MEAK7: variants seen among roughly 807,000 people sequenced by gnomAD.
MEAK7 encodes the protein MTOR-associated protein MEAK7.
Under a neutral mutation model 40.5 loss-of-function variants are expected in MEAK7, and 68 were observed. The ratio of observed to expected loss-of-function variants is 1.68; its 90% CI spans 1.38 to 2.06. The LOEUF (loss-of-function observed/expected upper bound fraction) is 2.06. Ranked by LOEUF, MEAK7 falls within the 30% of genes most tolerant of loss-of-function variation. MEAK7 has a pLI of 0.00. For missense variants in MEAK7, 918 were observed against 580.5 expected (o/e 1.58, Z -5.98); for synonymous variants, 338 against 231.9 (o/e 1.46, Z -4.16).
chr16:84,493,537 T>C (rs1432477274), intron 3 of MEAK7, among the ~76,000 whole-genome samples: 1 of 152,258 alleles, frequency 6.6e-6, no homozygotes, highest in Non-Finnish European at 1.5e-5. Flanking sequence ...CTGTTTTTTT[T>C]CCAGAGTCAA....
chr16:84,500,978 C>G (rs1914447936), intron 1 of MEAK7, among the ~76,000 whole-genome samples: 2 of 151,886 alleles, frequency 1.3e-5, no homozygotes, highest in South Asian at 2.1e-4. Flanking sequence ...ACCTGTAATC[C>G]CAGCTACTTG....
intron 1 of MEAK7, among the ~76,000 whole-genome samples, chr16:84,501,155 T>C (rs370527): frequency 0.91 from 134,150 of 147,416 alleles, 61,801 homozygotes; most frequent in East Asian, 1. Flanking sequence ...GGCATGGGGA[T>C]GGGTGTGGCC....
At chr16:84,504,108 G>A (rs539403434) in intron 1 of MEAK7, 3 of 985,386 alleles carry the variant, frequency 3.0e-6, no homozygotes, top group Non-Finnish European at 3.6e-6. Flanking sequence ...TCCTGTGCTG[G>A]CCACCTACAT....
Position 84,482,704 on chromosome 16 carries a change from T to G in MEAK7, c.965A>C (p.Asn322Thr). Reference protein sequence around the residue: ...WEVKPQFQGDNRCFLFSICPS... With the variant: ...WEVKPQFQGDTRCFLFSICPS... ...GCAGATGGAGAACAGGAAGCATCTG[T>G]TGTCCCCTGAAAGTAGCCAGAGAAC... Residue 322 changes from asparagine to threonine, a missense_variant, in exon 6 of 8, where the codon AAC (asparagine) becomes ACC (threonine). Asn to Thr is a moderately conservative substitution (Grantham distance 65). Coordinates refer to ENST00000343629, the MANE Select transcript of MEAK7 (RefSeq NM_020947.4). The G allele has an allele frequency of 1.2e-6, 2 of 1,614,098 alleles. No homozygotes were observed. The highest frequency in any genetic ancestry group is 1.7e-6 in the Non-Finnish European group (2 of 1,179,968).
intron 1 of MEAK7, 91 bp from the exon 2 acceptor site, chr16:84,498,202 T>C: frequency 1.4e-6 from 2 of 1,415,030 alleles, no homozygotes; most frequent in East Asian, 2.3e-5. Flanking sequence ...AGTTAATATA[T>C]ACTGATATAG....
rs911564498 is a variant in MEAK7 at position 84,479,792 on chromosome 16, G to A, written c.*121C>T. 1 of 596,360 alleles carries A rather than the reference G, an allele frequency of 1.7e-6. No individual in the cohort carries two copies. The highest frequency in any genetic ancestry group is 3.3e-5 in the East Asian group (1 of 30,202). The allele number at this position is 596,360 out of a possible 1,614,324, so 36.9% of individuals were successfully genotyped here. Reference sequence around the variant, plus strand: ...CTTCTTGGCACATGTGGGACTACCAGGCTGTGACCCGTGCGGTACGCTATT... The same window carrying A: ...CTTCTTGGCACATGTGGGACTACCAAGCTGTGACCCGTGCGGTACGCTATT... On this transcript the variant is annotated 3_prime_UTR_variant, in exon 8 of 8. Coordinates refer to ENST00000343629, the MANE Select transcript of MEAK7 (RefSeq NM_020947.4).
chr16:84,501,428 G>C (rs1322494184), intron 1 of MEAK7, among the ~76,000 whole-genome samples: 2 of 152,122 alleles, frequency 1.3e-5, no homozygotes, highest in Non-Finnish European at 2.9e-5. Context: ...CTTTCTGCCA[G>C]AAACAGGCTC....
chr16:84,492,374 G>C (rs1022335790), intron 3 of MEAK7, among the ~76,000 whole-genome samples: 3 of 151,974 alleles, frequency 2.0e-5, no homozygotes, highest in African/African-American at 4.8e-5. Flanking sequence ...TAATAGATTT[G>C]TTTATAAGAC....
rs1225626132 is a variant in MEAK7 at position 84,479,420 on chromosome 16, CGG to C, written c.*491_*492del. The C allele has an allele frequency of 4.9e-4, 74 of 149,568 alleles. No individual in the cohort carries two copies. The highest frequency in any genetic ancestry group is 1.7e-3 in the African/African-American group (69 of 40,396). The allele number at this position is 149,568 out of a possible 1,614,324, so 9.3% of individuals were successfully genotyped here. On this transcript the variant is annotated 3_prime_UTR_variant, in exon 8 of 8. Coordinates refer to ENST00000343629, the MANE Select transcript of MEAK7 (RefSeq NM_020947.4). ...TGCCAGCGGAATTCCCTAATGCCAGCGGAATTCCCTAATGCCAGCGGAATTCC... is the reference window on the plus strand; with the variant it reads ...TGCCAGCGGAATTCCCTAATGCCAGCAATTCCCTAATGCCAGCGGAATTCC...
In MEAK7 at chr16:84,494,443, C is replaced by T. The variant is rs189107640; in HGVS notation, c.384+1240G>A. ...TCTCCTTCCTTCTATTCCTTTTTTT[C>T]CCCCCATTTTTCTGATTTGAAATCA... On this transcript the variant is annotated intron_variant, in intron 3 of 7. Transcript: ENST00000343629. Among the ~76,000 whole-genome samples the T allele has an allele frequency of 2.2e-3, 337 of 151,942 alleles. 1 individual carries two copies. Among genetic ancestry groups the T allele is most frequent in the Admixed American group, 4.5e-3 (68 of 15,264 alleles).
At chr16:84,504,066 C>T (rs1381386897) in intron 1 of MEAK7, 1 of 985,416 alleles carries the variant, frequency 1.0e-6, no homozygotes, top group East Asian at 1.1e-4. Flanking sequence ...TGAGCCTGGG[C>T]AAGAAGTTCC....
Position 84,478,564 on chromosome 16 carries a change from A to G in MEAK7, c.*1349T>C, listed in dbSNP as rs1912235255. ...CAAAAGGAAGAGGTATATATCTTAGAGACAAGCTCACAGCACCTTTAAGTG... is the reference window on the plus strand; with the variant it reads ...CAAAAGGAAGAGGTATATATCTTAGGGACAAGCTCACAGCACCTTTAAGTG... On this transcript the variant is annotated 3_prime_UTR_variant, in exon 8 of 8. Transcript: ENST00000343629. The G allele has an allele frequency of 6.6e-6, 1 of 152,260 alleles. No homozygotes were observed. The highest frequency in any genetic ancestry group is 6.5e-5 in the Admixed American group (1 of 15,290). 9.4% of individuals were successfully genotyped at this position (152,260 alleles called of 1,614,324 possible).
intron 7 of MEAK7, 59 bp from the exon 8 acceptor site, chr16:84,480,085 T>A (rs898066013): frequency 3.0e-6 from 4 of 1,349,010 alleles, no homozygotes; most frequent in Non-Finnish European, 4.1e-6. Context: ...AGGCAGCAGC[T>A]TCCTGCTAGT....
chr16:84,504,625 C>T lies in MEAK7; in HGVS notation c.-50G>A, dbSNP rs1019466676. The T allele has an allele frequency of 1.0e-6, 1 of 985,634 alleles. No individual in the cohort carries two copies. The highest frequency in any genetic ancestry group is 1.2e-6 in the Non-Finnish European group (1 of 830,040). The allele number at this position is 985,634 out of a possible 1,614,324, so 61.1% of individuals were successfully genotyped here. On this transcript the variant is annotated 5_prime_UTR_variant, in exon 1 of 8. Coordinates refer to ENST00000343629, the MANE Select transcript of MEAK7 (RefSeq NM_020947.4). ...CCCTGCCGGGCTTCCTGGTGCTGTC[C>T]GGTCCGGTCCAGCAGCCCACGGGCT...
rs1336348392 is a variant in MEAK7, at chr16:84,479,077, G to C, written c.*836C>G. ...CACACACATTCATTTAAAAACAGCT[G>C]AGAGAGCTGGGTGTGGAACCTTATT... On this transcript the variant is annotated 3_prime_UTR_variant, in exon 8 of 8. Transcript: ENST00000343629. The C allele has an allele frequency of 6.6e-6, 1 of 152,210 alleles. No individual in the cohort carries two copies. The highest frequency in any genetic ancestry group is 1.5e-5 in the Non-Finnish European group (1 of 68,050). 9.4% of individuals were successfully genotyped at this position (152,210 alleles called of 1,614,324 possible).
rs2150617695 is a variant in MEAK7, at chr16:84,477,691, G to A, written c.*2222C>T. ...GAATTCTCATTCTGGTTTCACAAAA[G>A]AACAAACTATTCATTTGTGCAAACT... On this transcript the variant is annotated 3_prime_UTR_variant, in exon 8 of 8. Coordinates refer to ENST00000343629, the MANE Select transcript of MEAK7 (RefSeq NM_020947.4). 6.6e-6 allele frequency: 1 copy of A among 151,974 alleles called. No homozygotes were observed. Among genetic ancestry groups the A allele is most frequent in the Non-Finnish European group, 1.5e-5 (1 of 67,990 alleles). 9.4% of individuals were successfully genotyped at this position (151,974 alleles called of 1,614,324 possible).
chr16:84,492,491 AC>A (rs1177912234), intron 3 of MEAK7, among the ~76,000 whole-genome samples: 2 of 151,666 alleles, frequency 1.3e-5, no homozygotes, highest in African/African-American at 2.4e-5. Context: ...TTTTTTCAAA[AC>A]CTTTGAGTTA....
In MEAK7 at chr16:84,478,780, T is replaced by G. The variant is rs1358723916; in HGVS notation, c.*1133A>C. On this transcript the variant is annotated 3_prime_UTR_variant, in exon 8 of 8. Transcript: ENST00000343629. Reference sequence around the variant, plus strand: ...TCGGGAGCAGCCCTGGGCAAATGGCTGCACTGACAGCTGTGACTCAGGCAC... The same window carrying G: ...TCGGGAGCAGCCCTGGGCAAATGGCGGCACTGACAGCTGTGACTCAGGCAC... The G allele has an allele frequency of 6.6e-6, 1 of 152,252 alleles. No individual in the cohort carries two copies. The highest frequency in any genetic ancestry group is 2.4e-5 in the African/African-American group (1 of 41,438). 9.4% of individuals were successfully genotyped at this position (152,252 alleles called of 1,614,324 possible).
In MEAK7 at chr16:84,482,666, C is replaced by T; in HGVS notation, c.1003G>A (p.Val335Met). 6.2e-7 allele frequency: 1 copy of T among 1,614,224 alleles called. No individual in the cohort carries two copies. Among genetic ancestry groups the T allele is most frequent in the Non-Finnish European group, 8.5e-7 (1 of 1,180,044 alleles). The change falls in exon 6 of 8, where the codon GTG (valine) becomes ATG (methionine). Residue 335 changes from valine (V) to methionine (M), a missense_variant. By Grantham distance (21) the Val-to-Met change is conservative. Transcript: ENST00000343629. ...FLFSICPSMA[V>M]YTHTGYNDHY... ...TCGTTGTAGCCCGTGTGTGTGTACA[C>T]AGCCATGCTGGGGCAGATGGAGAAC...
Sources: gnomAD v4.1 joint callset for allele counts (sites outside exome capture counted in the v4.1 genomes callset) on GRCh38, gnomAD v4.1.1 for gene constraint, MANE v1.5 for transcripts, NCBI Gene and HGNC (gene_info 2026-07-23, HGNC 2026-07-21) for gene names.